RAB7A: variants seen among roughly 807,000 people sequenced by gnomAD.
RAB7A encodes the protein ras-related protein Rab-7a.
A neutral mutation model predicts 24.5 loss-of-function variants in RAB7A; 2 were observed. That is an observed-to-expected ratio of 0.08 (90% CI 0.03 to 0.26). The LOEUF is 0.26. RAB7A is among the 10% of genes least tolerant of loss of function. The pLI is 1.00. For missense variants in RAB7A, 118 were observed against 255.7 expected (o/e 0.46, Z 3.67); for synonymous variants, 100 against 95.9 (o/e 1.04, Z -0.25).
Position 128,768,969 on chromosome 3 carries a change from C to CTTTT in RAB7A, c.-8-26368_-8-26365dup, listed in dbSNP as rs35457218. On this transcript the variant is annotated intron_variant, in intron 1 of 5. Transcript: ENST00000265062. ...CTTTCCTTTTTTCTTTCTTTCTTTC[C>CTTTT]TTTTTTTTTTTTTTTTTTTTTTTTT... Among the ~76,000 whole-genome samples the CTTTT allele has an allele frequency of 4.1e-3, 297 of 72,616 alleles. 32 individuals carry two copies. Among genetic ancestry groups the CTTTT allele is most frequent in the African/African-American group, 0.01 (156 of 15,382 alleles). 47.6% of individuals were successfully genotyped at this position (72,616 alleles called of 152,430 possible). A position where few individuals can be genotyped will look rare whatever the true frequency, so the allele number is the denominator to read the frequency against.
intron 1 of RAB7A, among the ~76,000 whole-genome samples, chr3:128,786,520 C>G (rs770029720): frequency 6.6e-6 from 1 of 152,166 alleles, no homozygotes; most frequent in Non-Finnish European, 1.5e-5. Context: ...TGGTCATATA[C>G]AGAGCATGAA....
intron 1 of RAB7A, among the ~76,000 whole-genome samples, chr3:128,778,844 G>A (rs1336928518): frequency 2.0e-5 from 3 of 152,236 alleles, no homozygotes; most frequent in East Asian, 1.9e-4. Flanking sequence ...TTTGGTGATC[G>A]ATAGACTGGG....
chr3:128,740,039 C>G (rs1050782828), intron 1 of RAB7A, among the ~76,000 whole-genome samples: 3 of 151,896 alleles, frequency 2.0e-5, no homozygotes, highest in Admixed American at 6.6e-5. Context: ...GCACTCCAGC[C>G]TAGACAACAA....
At chr3:128,761,228 C>T (rs535864637) in intron 1 of RAB7A, among the ~76,000 whole-genome samples, 2 of 152,210 alleles carry the variant, frequency 1.3e-5, no homozygotes, top group Non-Finnish European at 2.9e-5. Flanking sequence ...GGGAAGCGTT[C>T]TTAAAGCCCT....
intron 1 of RAB7A, among the ~76,000 whole-genome samples, chr3:128,783,665 C>T (rs62272592): frequency 0.06 from 9,115 of 152,194 alleles, 394 homozygotes; most frequent in Non-Finnish European, 0.087. Flanking sequence ...TCTCATTGGC[C>T]TGCCAGGATA....
At chr3:128,777,025 T>C (rs1377544944) in intron 1 of RAB7A, among the ~76,000 whole-genome samples, 1 of 152,150 alleles carries the variant, frequency 6.6e-6, no homozygotes, top group Non-Finnish European at 1.5e-5. Context: ...CTGAGAAATG[T>C]CTTTTTAGGT....
At chr3:128,750,490 G>A (rs2070665823) in intron 1 of RAB7A, among the ~76,000 whole-genome samples, 1 of 152,114 alleles carries the variant, frequency 6.6e-6, no homozygotes, top group South Asian at 2.1e-4. Flanking sequence ...TCGAACTCCT[G>A]ACTTCAGGTG....
At chr3:128,797,849 G>C in intron 2 of RAB7A, 94 bp from the exon 3 acceptor site, 6 of 1,466,190 alleles carry the variant, frequency 4.1e-6, no homozygotes, top group Non-Finnish European at 5.7e-6. Flanking sequence ...TTGTCCTTCA[G>C]GTCAGGCAGA....
intron 1 of RAB7A, among the ~76,000 whole-genome samples, chr3:128,781,838 C>T (rs1375805910): frequency 6.6e-6 from 1 of 152,060 alleles, no homozygotes; most frequent in African/African-American, 2.4e-5. Flanking sequence ...CATGGTGAAA[C>T]CCTGTCTCTA....
chr3:128,742,196 G>A (rs930673870), intron 1 of RAB7A, among the ~76,000 whole-genome samples: 3 of 151,730 alleles, frequency 2.0e-5, no homozygotes, highest in Non-Finnish European at 2.9e-5. Context: ...GGAGTTGTTC[G>A]TTCCTCCCGT....
intron 1 of RAB7A, among the ~76,000 whole-genome samples, chr3:128,774,201 TAAAA>T (rs796939918): frequency 7.5e-6 from 1 of 132,866 alleles, no homozygotes; most frequent in African/African-American, 2.8e-5. Context: ...AAAAAAAAAT[TAAAA>T]AAAAAAAAAG....
intron 1 of RAB7A, among the ~76,000 whole-genome samples, chr3:128,763,857 G>C (rs2070798885): frequency 8.8e-6 from 1 of 113,150 alleles, no homozygotes; most frequent in Non-Finnish European, 1.7e-5. Flanking sequence ...TCACCTGTTA[G>C]ATTCCCGCCC....
At chr3:128,812,171 A>T (rs967301833) in intron 5 of RAB7A, among the ~76,000 whole-genome samples, 1 of 152,220 alleles carries the variant, frequency 6.6e-6, no homozygotes, top group Non-Finnish European at 1.5e-5. Context: ...TAGGAGTGCA[A>T]TGGCACCATC....
chr3:128,742,839 C>T (rs373419991), intron 1 of RAB7A, among the ~76,000 whole-genome samples: 4 of 152,258 alleles, frequency 2.6e-5, no homozygotes, highest in Admixed American at 6.5e-5. Flanking sequence ...AGTCCCCACT[C>T]GACTCAGGAG....
intron 1 of RAB7A, among the ~76,000 whole-genome samples, chr3:128,749,710 A>C (rs1456329818): frequency 6.6e-6 from 1 of 152,192 alleles, no homozygotes; most frequent in Non-Finnish European, 1.5e-5. Flanking sequence ...TCCCTGCACA[A>C]GCGCTCCTCT....
Position 128,795,080 on chromosome 3 carries a change from A to G in RAB7A, c.-8-280A>G, listed in dbSNP as rs9834608. Among the ~76,000 whole-genome samples, 41,089 of 152,004 alleles carry G rather than the reference A, an allele frequency of 0.27. 7,025 individuals are homozygous for G. The highest frequency in any genetic ancestry group is 0.48 in the African/African-American group (19,824 of 41,396). ...AGTTGGAGCATTAGTTCAAATTGCC[A>G]ATCCATTCAATTGATCCACCACCCA... is the stretch of plus-strand genomic sequence containing the variant. On this transcript the variant is annotated intron_variant, in intron 1 of 5. Transcript: ENST00000265062.
At chr3:128,791,794 G>A (rs1328895632) in intron 1 of RAB7A, among the ~76,000 whole-genome samples, 1 of 152,174 alleles carries the variant, frequency 6.6e-6, no homozygotes, top group Non-Finnish European at 1.5e-5. Context: ...CTGAGTCAAG[G>A]TATTGAGTCG....
chr3:128,798,827 A>G, intron 3 of RAB7A: 1 of 251,420 alleles, frequency 4.0e-6, no homozygotes, highest in Non-Finnish European at 7.6e-6. Flanking sequence ...AATTTAAAAA[A>G]AAAAAAAAAA....
chr3:128,778,742 C>CCT (rs1933149659), intron 1 of RAB7A, among the ~76,000 whole-genome samples: 1 of 152,102 alleles, frequency 6.6e-6, no homozygotes, highest in South Asian at 2.1e-4. Context: ...ATAAAAGGAG[C>CCT]CTAATCCAGC....
Sources: allele counts gnomAD v4.1 joint callset (sites outside exome capture counted in the v4.1 genomes callset), GRCh38; gene constraint gnomAD v4.1.1; transcripts MANE v1.5; gene names NCBI Gene and HGNC (gene_info 2026-07-23, HGNC 2026-07-21).